Variants in ARFIP1 observed in about 807,000 individuals in gnomAD.
ARFIP1 encodes ARF interacting protein 1.
Under a neutral mutation model 42.5 loss-of-function variants are expected in ARFIP1, and 24 were observed. The ratio of observed to expected loss-of-function variants is 0.57; its 90% CI spans 0.41 to 0.80. The LOEUF (loss-of-function observed/expected upper bound fraction) is 0.80, where lower values mean the gene tolerates loss of function less well. Ranked by LOEUF, ARFIP1 falls within the 30% of genes least tolerant of loss-of-function variation. ARFIP1 has a pLI of 0.00. For synonymous variants in ARFIP1, 141 were observed against 153.7 expected (o/e 0.92, Z 0.61); for missense variants, 354 against 434.0 (o/e 0.82, Z 1.64).
chr4:152,821,669 A>G (rs1730378979), intron 1 of ARFIP1, among the ~76,000 whole-genome samples: 1 of 152,182 alleles, frequency 6.6e-6, no homozygotes, highest in Non-Finnish European at 1.5e-5. Context: ...TGCAAAAAGG[A>G]CATCACCAGG....
chr4:152,834,419 T>C (rs767020169), intron 2 of ARFIP1, among the ~76,000 whole-genome samples: 6 of 152,182 alleles, frequency 3.9e-5, no homozygotes, highest in Non-Finnish European at 7.3e-5. Flanking sequence ...CACCTATGAG[T>C]GTGCGAGACC....
rs1738864288 is a variant in ARFIP1 at position 152,911,723 on chromosome 4, T to C, written c.*1504T>C. 6.6e-6 allele frequency: 1 copy of C among 152,598 alleles called. No homozygotes were observed. The allele number at this position is 152,598 out of a possible 1,614,324, so 9.5% of individuals were successfully genotyped here. A position where few individuals can be genotyped will look rare whatever the true frequency, so the allele number is the denominator to read the frequency against. On this transcript the variant is annotated 3_prime_UTR_variant, in exon 9 of 9. Transcript: ENST00000353617. ...TTTTAATTAATATGCCTGTTTTGAG[T>C]GCTTAATACAATGTAATGTGATTGT...
intron 1 of ARFIP1, 111 bp from the exon 2 acceptor site, chr4:152,829,514 G>A: frequency 1.7e-6 from 1 of 603,132 alleles, no homozygotes; most frequent in South Asian, 3.1e-5. Context: ...GTATTTGGTA[G>A]GTTGCAATGA....
intron 2 of ARFIP1, among the ~76,000 whole-genome samples, chr4:152,838,142 A>G (rs551943737): frequency 1.5e-4 from 23 of 152,260 alleles, no homozygotes; most frequent in African/African-American, 5.5e-4. Context: ...CTACATGCCT[A>G]TCTTTATACC....
chr4:152,863,100 AT>A (rs1226160601), intron 2 of ARFIP1, among the ~76,000 whole-genome samples: 1 of 152,138 alleles, frequency 6.6e-6, no homozygotes, highest in African/African-American at 2.4e-5. Context: ...TCATTGTGCA[AT>A]GTAAATCTAA....
chr4:152,836,516 A>G (rs1731662539), intron 2 of ARFIP1, among the ~76,000 whole-genome samples: 1 of 152,168 alleles, frequency 6.6e-6, no homozygotes, highest in Non-Finnish European at 1.5e-5. Flanking sequence ...TGTTTCTGGT[A>G]TCTCTTTTCT....
chr4:152,910,003 ACT>A, intron 8 of ARFIP1, 59 bp from the exon 9 acceptor site: 5 of 1,547,086 alleles, frequency 3.2e-6, no homozygotes, highest in East Asian at 2.3e-5. Flanking sequence ...GTAATAAATC[ACT>A]CTCTATTTTA....
chr4:152,878,271 C>CT (rs1015359873), intron 5 of ARFIP1, among the ~76,000 whole-genome samples: 7 of 152,202 alleles, frequency 4.6e-5, no homozygotes, highest in Non-Finnish European at 8.8e-5. Flanking sequence ...TTCAGGGACT[C>CT]TGAGGAAGGT....
intron 8 of ARFIP1, among the ~76,000 whole-genome samples, chr4:152,895,923 A>G (rs1737284528): frequency 6.6e-6 from 1 of 152,072 alleles, no homozygotes. Context: ...ATGGTCTTAC[A>G]CTCATAGAGC....
chr4:152,851,647 A>G (rs1341464365), intron 2 of ARFIP1, among the ~76,000 whole-genome samples: 1 of 152,180 alleles, frequency 6.6e-6, no homozygotes, highest in Non-Finnish European at 1.5e-5. Context: ...GTCTCTGTCT[A>G]GTTTGAAGAA....
chr4:152,906,362 C>G (rs1207773745), intron 8 of ARFIP1, among the ~76,000 whole-genome samples: 2 of 152,240 alleles, frequency 1.3e-5, no homozygotes, highest in South Asian at 4.1e-4. Context: ...TCTTCCATGC[C>G]TGCCCCTCTC....
chr4:152,790,425 A>T (rs1480187624), intron 1 of ARFIP1, among the ~76,000 whole-genome samples: 1 of 152,206 alleles, frequency 6.6e-6, no homozygotes, highest in Non-Finnish European at 1.5e-5. Flanking sequence ...AGGCCACAGC[A>T]TACTGAATAA....
In ARFIP1 at chr4:152,804,280, CAT is replaced by C. The variant is rs1303422964; in HGVS notation, c.-10+24056_-10+24057del. Among the ~76,000 whole-genome samples, 13 of 55,882 alleles carry C rather than the reference CAT, an allele frequency of 2.3e-4. 3 individuals carry two copies. Among genetic ancestry groups the C allele is most frequent in the African/African-American group, 8.6e-4 (9 of 10,482 alleles). The allele number at this position is 55,882 out of a possible 152,430, so 36.7% of individuals were successfully genotyped here. A position where few individuals can be genotyped will look rare whatever the true frequency, so the allele number is the denominator to read the frequency against. On this transcript the variant is annotated intron_variant, in intron 1 of 8. Transcript: ENST00000353617. ...CATGTATTATATATTATATATATAA[CAT>C]AACATGTATTATATATATTATATAT...
At chr4:152,829,762 C>G in intron 2 of ARFIP1, 36 bp downstream of exon 2, 1 of 1,470,702 alleles carries the variant, frequency 6.8e-7, no homozygotes, top group Non-Finnish European at 9.3e-7. Context: ...TGCAAAGAAT[C>G]ATGGTAAGTC....
At chr4:152,841,817 A>G (rs1732100637) in intron 2 of ARFIP1, among the ~76,000 whole-genome samples, 1 of 152,146 alleles carries the variant, frequency 6.6e-6, no homozygotes, top group African/African-American at 2.4e-5. Context: ...CACAACTGTT[A>G]AGATTCTTTC....
At chr4:152,883,015 G>A in intron 7 of ARFIP1, 135 bp downstream of exon 7, 1 of 891,926 alleles carries the variant, frequency 1.1e-6, no homozygotes, top group South Asian at 1.7e-5. Context: ...GTTATAGGAT[G>A]CCTCTACAGA....
At position 152,911,832 on chromosome 4, in the gene ARFIP1, T is replaced by C. The variant is rs1376304249; in HGVS notation, c.*1613T>C. ...TTATTCTTCCAGCAGAATTACTACTTGTGATAGTTCATTTACATTCCCCAG... is the reference window on the plus strand; with the variant it reads ...TTATTCTTCCAGCAGAATTACTACTCGTGATAGTTCATTTACATTCCCCAG... On this transcript the variant is annotated 3_prime_UTR_variant, in exon 9 of 9. Transcript: ENST00000353617. 3 of 152,624 alleles carry C rather than the reference T, an allele frequency of 2.0e-5. No homozygotes were observed. The highest frequency in any genetic ancestry group is 7.2e-5 in the African/African-American group (3 of 41,462). The allele number at this position is 152,624 out of a possible 1,614,324, so 9.5% of individuals were successfully genotyped here.
intron 5 of ARFIP1, among the ~76,000 whole-genome samples, chr4:152,875,439 C>T (rs1735255307): frequency 1.4e-5 from 2 of 146,880 alleles, no homozygotes; most frequent in East Asian, 4.0e-4. Context: ...AGCTATTTGG[C>T]ATCTTTCCCA....
rs1421344224 is a variant in ARFIP1, at chr4:152,780,061, T to G, written c.-175T>G. On this transcript the variant is annotated 5_prime_UTR_variant, in exon 1 of 9. Coordinates refer to ENST00000353617, the MANE Select transcript of ARFIP1 (RefSeq NM_001025595.3). ...TTGGTCAGTGTGAATTTGTGACAGC[T>G]GCAGTTGCTCCCCGCCCCCGAGCAG... 1 of 152,396 alleles carries G rather than the reference T, an allele frequency of 6.6e-6. No individual in the cohort carries two copies. Among genetic ancestry groups the G allele is most frequent in the Non-Finnish European group, 1.5e-5 (1 of 68,140 alleles). 9.4% of individuals were successfully genotyped at this position (152,396 alleles called of 1,614,324 possible).
Sources: gnomAD v4.1 joint callset for allele counts (sites outside exome capture counted in the v4.1 genomes callset) on GRCh38, gnomAD v4.1.1 for gene constraint, MANE v1.5 for transcripts, NCBI Gene and HGNC (gene_info 2026-07-23, HGNC 2026-07-21) for gene names.